Variants in GALNT13 observed in about 807,000 individuals in gnomAD.
The protein encoded by GALNT13 is UDP-GalNAc:polypeptide N-acetylgalactosaminyltransferase 13.
GALNT13 carries 28 observed loss-of-function variants against 64.2 expected under a neutral mutation model. The ratio of observed to expected loss-of-function variants is 0.44; its 90% CI spans 0.32 to 0.60. The LOEUF (loss-of-function observed/expected upper bound fraction) is 0.60, where lower values mean the gene tolerates loss of function less well. GALNT13 is among the 20% of genes least tolerant of loss of function. GALNT13 has a pLI of 0.05. For missense variants in GALNT13, 577 were observed against 669.8 expected, an observed-to-expected ratio of 0.86 and a Z score of 1.53; for synonymous variants, 214 against 224.6, an observed-to-expected ratio of 0.95 and a Z score of 0.42.
At chr2:153,767,326 C>T in the GALNT13 span, among the ~76,000 whole-genome samples, 11 of 152,028 alleles carry the variant, frequency 7.2e-5, no homozygotes, top group African/African-American at 2.7e-4. Context: ...TGTATAGATA[C>T]AATATTTTCT....
chr2:153,609,088 T>G, the GALNT13 span, among the ~76,000 whole-genome samples: 229 of 150,580 alleles, frequency 1.5e-3, no homozygotes, highest in East Asian at 0.016. Context: ...AGCTAAGTTT[T>G]TTTGTTTGTT....
chr2:154,076,707 G>A (rs2105402951), intron 3 of GALNT13, among the ~76,000 whole-genome samples: 1 of 151,698 alleles, frequency 6.6e-6, no homozygotes, highest in East Asian at 1.9e-4. Context: ...TTTAACCTGG[G>A]ATTGTCCCAA....
intron 4 of GALNT13, among the ~76,000 whole-genome samples, chr2:154,150,611 GTTA>G (rs1216686103): frequency 1.1e-4 from 17 of 152,302 alleles, no homozygotes; most frequent in African/African-American, 3.6e-4. Flanking sequence ...TTCAGAGCCT[GTTA>G]TTGGTCTATT....
the GALNT13 span, among the ~76,000 whole-genome samples, chr2:153,805,238 C>T: frequency 6.6e-6 from 1 of 151,520 alleles, no homozygotes. Flanking sequence ...AAAATCAAAG[C>T]AAGGGTATAG....
intron 3 of GALNT13, among the ~76,000 whole-genome samples, chr2:154,097,824 C>G (rs1368432778): frequency 6.6e-6 from 1 of 152,058 alleles, no homozygotes; most frequent in East Asian, 1.9e-4. Flanking sequence ...TAAGAAAGAG[C>G]AATAACCCCA....
the GALNT13 span, among the ~76,000 whole-genome samples, chr2:153,533,629 ATGTT>A: frequency 3.1e-4 from 44 of 141,046 alleles, no homozygotes; most frequent in Non-Finnish European, 5.2e-4. Flanking sequence ...CGTTGTTTTG[ATGTT>A]TGTTTCTCTC....
At chr2:154,067,185 C>T (rs1210077422) in intron 3 of GALNT13, among the ~76,000 whole-genome samples, 2 of 151,568 alleles carry the variant, frequency 1.3e-5, no homozygotes, top group African/African-American at 4.8e-5. Context: ...AAACATACCA[C>T]CAGAGAAAAT....
At chr2:153,584,507 C>A in the GALNT13 span, among the ~76,000 whole-genome samples, 4 of 152,210 alleles carry the variant, frequency 2.6e-5, no homozygotes, top group Admixed American at 2.6e-4. Context: ...TGCTTGGAAA[C>A]TGGAAAGCCT....
chr2:153,985,775 A>C (rs972666989), intron 3 of GALNT13, among the ~76,000 whole-genome samples: 1 of 151,964 alleles, frequency 6.6e-6, no homozygotes, highest in Non-Finnish European at 1.5e-5. Flanking sequence ...CTCCCAGAAG[A>C]GTTCCAGGCC....
intron 3 of GALNT13, among the ~76,000 whole-genome samples, chr2:154,123,035 G>A (rs552659790): frequency 1.3e-5 from 2 of 151,930 alleles, no homozygotes; most frequent in Non-Finnish European, 2.9e-5. Context: ...GAAGAGAATG[G>A]AATGGATTAT....
chr2:154,299,083 T>C (rs1178694714), intron 8 of GALNT13, among the ~76,000 whole-genome samples: 1 of 148,562 alleles, frequency 6.7e-6, no homozygotes, highest in Non-Finnish European at 1.5e-5. Context: ...TTTTATATTA[T>C]TTAATGGTAA....
the GALNT13 span, among the ~76,000 whole-genome samples, chr2:153,717,891 A>C: frequency 6.6e-6 from 1 of 152,162 alleles, no homozygotes; most frequent in Non-Finnish European, 1.5e-5. Flanking sequence ...GCCATCAATT[A>C]TTTACGCTAA....
At chr2:153,904,240 C>T (rs1308585499) in intron 2 of GALNT13, among the ~76,000 whole-genome samples, 1 of 151,746 alleles carries the variant, frequency 6.6e-6, no homozygotes, top group Non-Finnish European at 1.5e-5. Context: ...GACATTTGTG[C>T]TCTTTCTAGG....
intron 3 of GALNT13, among the ~76,000 whole-genome samples, chr2:153,986,833 C>G (rs73965342): frequency 1.4e-4 from 22 of 152,050 alleles, no homozygotes; most frequent in African/African-American, 5.1e-4. Context: ...GCAGGATCTT[C>G]TATGTCCTGG....
At chr2:153,598,393 T>C in the GALNT13 span, among the ~76,000 whole-genome samples, 1 of 152,090 alleles carries the variant, frequency 6.6e-6, no homozygotes, top group Non-Finnish European at 1.5e-5. Context: ...TGCATGGCTC[T>C]GTCTCTCCCT....
the GALNT13 span, among the ~76,000 whole-genome samples, chr2:153,297,026 C>G: frequency 6.6e-6 from 1 of 152,146 alleles, no homozygotes; most frequent in Admixed American, 6.5e-5. Context: ...TATATTCCAT[C>G]TCCTTTGAGG....
At chr2:153,736,685 G>A in the GALNT13 span, among the ~76,000 whole-genome samples, 9 of 151,792 alleles carry the variant, frequency 5.9e-5, no homozygotes, top group East Asian at 1.4e-3. Flanking sequence ...AAAACTTTAG[G>A]TTCACACTGA....
intron 4 of GALNT13, among the ~76,000 whole-genome samples, chr2:154,179,768 G>A (rs1346710510): frequency 6.7e-6 from 1 of 149,706 alleles, no homozygotes; most frequent in African/African-American, 2.5e-5. Flanking sequence ...CAGCAAAGCA[G>A]CTTCTCCAGA....
At chr2:153,443,986 G>A in the GALNT13 span, among the ~76,000 whole-genome samples, 1 of 152,038 alleles carries the variant, frequency 6.6e-6, no homozygotes, top group South Asian at 2.1e-4. Context: ...GATTTCTTGT[G>A]CTCTATAATA....
Sources: gnomAD v4.1 joint callset for allele counts (sites outside exome capture counted in the v4.1 genomes callset) on GRCh38, gnomAD v4.1.1 for gene constraint, MANE v1.5 for transcripts, NCBI Gene and HGNC (gene_info 2026-07-23, HGNC 2026-07-21) for gene names.